The following NTM variants were observed in gnomAD, a reference collection of about 807,000 sequenced individuals.
The protein encoded by NTM is neurotrimin.
In NTM, 13 loss-of-function variants were observed where a neutral mutation model predicts 42.1. That is an observed-to-expected ratio of 0.31 (90% CI 0.20 to 0.49). The LOEUF is 0.49. NTM is among the 20% of genes least tolerant of loss of function. The pLI is 0.99. For synonymous variants in NTM, 187 were observed against 179.2 expected, an observed-to-expected ratio of 1.04 and a Z score of -0.35; for missense variants, 373 against 452.8, an observed-to-expected ratio of 0.82 and a Z score of 1.60.
At chr11:131,696,189 G>A (rs1592597945) in intron 1 of NTM, among the ~76,000 whole-genome samples, 1 of 152,172 alleles carries the variant, frequency 6.6e-6, no homozygotes, top group African/African-American at 2.4e-5. Context: ...GTAGTATGGG[G>A]TGTGGGGTGA....
At chr11:131,772,963 A>T (rs1170109453) in intron 1 of NTM, among the ~76,000 whole-genome samples, 3 of 152,254 alleles carry the variant, frequency 2.0e-5, no homozygotes, top group Admixed American at 6.5e-5. Context: ...AGAGACATTT[A>T]TGGCTGCGAC....
chr11:131,827,359 G>T (rs895317848), intron 1 of NTM, among the ~76,000 whole-genome samples: 11 of 152,246 alleles, frequency 7.2e-5, no homozygotes, highest in Non-Finnish European at 1.5e-4. Flanking sequence ...AAGGCATCCT[G>T]GCAGAAGTGG....
rs183635759 is a variant in NTM, at chr11:131,758,892, G to A, written c.83-152672G>A. The stretch of plus-strand genomic sequence containing the variant: ...CAGGCATGACCCACCGTGTCCAGCC[G>A]TCTGCATATTTTCTTAAAGCCTGTA... On this transcript the variant is annotated intron_variant, in intron 1 of 8. Transcript: ENST00000683400. 3.1e-4 allele frequency among the ~76,000 whole-genome samples: 47 copies of A among 152,050 alleles called. No homozygotes were observed. The East Asian group carries it at 5.6e-3, about 18-fold the overall frequency.
rs118108505 is a variant in NTM, at chr11:131,559,418, C to T, written c.82+188530C>T. ...TTTTTACTTTTAAGAATATGCTTTGCTTCTCCACTCCTTTTTTCCCATTCA... is the reference window on the plus strand; with the variant it reads ...TTTTTACTTTTAAGAATATGCTTTGTTTCTCCACTCCTTTTTTCCCATTCA... On this transcript the variant is annotated intron_variant, in intron 1 of 8. Coordinates refer to ENST00000683400, the MANE Select transcript of NTM (RefSeq NM_001352005.2). Among the ~76,000 whole-genome samples the T allele has an allele frequency of 5.3e-3, 813 of 152,300 alleles. 5 individuals are homozygous for T. The highest frequency in any genetic ancestry group is 6.8e-3 in the Non-Finnish European group (461 of 68,026).
Position 132,335,424 on chromosome 11 carries a change from T to C in NTM, c.*278T>C. 2.6e-6 allele frequency: 1 copy of C among 385,444 alleles called. No individual in the cohort carries two copies. Among genetic ancestry groups the C allele is most frequent in the Non-Finnish European group, 4.8e-6 (1 of 207,116 alleles). 23.9% of individuals were successfully genotyped at this position (385,444 alleles called of 1,614,324 possible). ...CACAGCACACCCGGCTTGGACCCAC[T>C]GCAAGCTGCATCGTGCAACCTCTTT... On this transcript the variant is annotated 3_prime_UTR_variant, in exon 9 of 9. Transcript: ENST00000683400.
intron 1 of NTM, among the ~76,000 whole-genome samples, chr11:131,376,808 G>A (rs557075659): frequency 4.6e-5 from 7 of 152,082 alleles, no homozygotes; most frequent in Admixed American, 2.0e-4. Context: ...TCTTGGAAGC[G>A]CCACCAAACT....
intron 1 of NTM, among the ~76,000 whole-genome samples, chr11:131,447,519 T>C (rs1950151730): frequency 6.6e-6 from 1 of 152,122 alleles, no homozygotes; most frequent in African/African-American, 2.4e-5. Context: ...CTGATTCATC[T>C]CTTTCCTGAG....
At chr11:131,752,606 A>T (rs904473480) in intron 1 of NTM, among the ~76,000 whole-genome samples, 6 of 152,206 alleles carry the variant, frequency 3.9e-5, no homozygotes, top group Non-Finnish European at 2.9e-5. Context: ...TTATTGCAGC[A>T]CTATTCACAA....
At chr11:131,580,197 A>G (rs1398699430) in intron 1 of NTM, among the ~76,000 whole-genome samples, 2 of 152,106 alleles carry the variant, frequency 1.3e-5, no homozygotes, top group Non-Finnish European at 2.9e-5. Context: ...CACTTCCTAT[A>G]TTTATAAACA....
chr11:131,864,236 C>G (rs7108800), intron 1 of NTM, among the ~76,000 whole-genome samples: 15,582 of 152,108 alleles, frequency 0.1, 930 homozygotes, highest in Middle Eastern at 0.14. Context: ...CAACGAAAGA[C>G]GAAACAAATC....
chr11:131,476,983 A>G (rs1320663398), intron 1 of NTM, among the ~76,000 whole-genome samples: 5 of 152,218 alleles, frequency 3.3e-5, no homozygotes, highest in Non-Finnish European at 2.9e-5. Flanking sequence ...GGCACTTGCT[A>G]TGCATACCCC....
intron 1 of NTM, among the ~76,000 whole-genome samples, chr11:131,696,441 C>T (rs1283884158): frequency 6.6e-6 from 1 of 152,210 alleles, no homozygotes; most frequent in East Asian, 1.9e-4. Flanking sequence ...GTTGTAGGGG[C>T]CTTCCCTTCT....
chr11:132,048,255 C>T (rs571514285), intron 2 of NTM, among the ~76,000 whole-genome samples: 7 of 152,244 alleles, frequency 4.6e-5, no homozygotes, highest in African/African-American at 1.4e-4. Context: ...CCCCCCATGC[C>T]GCCACCTCCT....
At chr11:132,322,889 T>C (rs1054778657) in intron 7 of NTM, among the ~76,000 whole-genome samples, 9 of 142,340 alleles carry the variant, frequency 6.3e-5, no homozygotes, top group Admixed American at 3.5e-4. Context: ...TCAAAACCAC[T>C]CAACTACATG....
At position 131,850,704 on chromosome 11, in the gene NTM, C is replaced by T. The variant is rs182125417; in HGVS notation, c.83-60860C>T. On this transcript the variant is annotated intron_variant, in intron 1 of 8. Coordinates refer to ENST00000683400, the MANE Select transcript of NTM (RefSeq NM_001352005.2). ...GCAATCAATGTTCAAAGGGAGGTGACGACAAGGTCACCAGGTCAGGCGGTG... is the reference window on the plus strand; with the variant it reads ...GCAATCAATGTTCAAAGGGAGGTGATGACAAGGTCACCAGGTCAGGCGGTG... Among the ~76,000 whole-genome samples, 205 of 152,264 alleles carry T rather than the reference C, an allele frequency of 1.3e-3. 1 individual carries two copies. Among genetic ancestry groups the T allele is most frequent in the Non-Finnish European group, 2.5e-3 (168 of 68,016 alleles).
chr11:131,733,685 G>T (rs143648136), intron 1 of NTM, among the ~76,000 whole-genome samples: 92 of 152,118 alleles, frequency 6.0e-4, no homozygotes, highest in African/African-American at 2.2e-3. Flanking sequence ...ACAGGCACAC[G>T]CCACTATGCC....
At chr11:131,689,720 C>G (rs759481213) in intron 1 of NTM, among the ~76,000 whole-genome samples, 8 of 152,150 alleles carry the variant, frequency 5.3e-5, no homozygotes, top group Non-Finnish European at 1.2e-4. Flanking sequence ...TGTCCCATCT[C>G]CCCTCCCATA....
chr11:131,542,303 T>A (rs2053378831), intron 1 of NTM, among the ~76,000 whole-genome samples: 1 of 152,112 alleles, frequency 6.6e-6, no homozygotes, highest in Admixed American at 6.6e-5. Flanking sequence ...TCACTAGCCT[T>A]CCAACACACC....
chr11:131,432,129 T>G (rs991142205), intron 1 of NTM, among the ~76,000 whole-genome samples: 1 of 152,172 alleles, frequency 6.6e-6, no homozygotes, highest in African/African-American at 2.4e-5. Context: ...TTACCATTAA[T>G]AGCAAAATTG....
Sources: allele counts gnomAD v4.1 joint callset (sites outside exome capture counted in the v4.1 genomes callset), GRCh38; gene constraint gnomAD v4.1.1; transcripts MANE v1.5; gene names NCBI Gene and HGNC (gene_info 2026-07-23, HGNC 2026-07-21).